GRM5: variants seen among roughly 807,000 people sequenced by gnomAD.
The protein encoded by GRM5 is metabotropic glutamate receptor 5.
GRM5 carries 19 observed loss-of-function variants against 83.1 expected under a neutral mutation model. The observed-to-expected ratio is 0.23, with a 90% CI of 0.16 to 0.34. GRM5 has a LOEUF of 0.34. Among genes scored for constraint, GRM5 ranks in the 10% least tolerant of loss-of-function variants. The probability of loss-of-function intolerance (pLI) is 1.00; values close to 1 mark genes in which losing one functional copy is unlikely to be tolerated. For synonymous variants in GRM5, 675 were observed against 633.6 expected, an observed-to-expected ratio of 1.07 and a Z score of -0.98; for missense variants, 1,160 against 1,588.3, an observed-to-expected ratio of 0.73 and a Z score of 4.58.
At chr11:88,698,581 G>C (rs1203554020) in intron 3 of GRM5, among the ~76,000 whole-genome samples, 1 of 152,092 alleles carries the variant, frequency 6.6e-6, no homozygotes, top group East Asian at 1.9e-4. Context: ...CAATAGCATG[G>C]GATCTTATTC....
intron 2 of GRM5, among the ~76,000 whole-genome samples, chr11:89,042,422 T>C (rs1215301425): frequency 2.6e-5 from 4 of 152,136 alleles, no homozygotes; most frequent in Non-Finnish European, 5.9e-5. Flanking sequence ...ACAAGCAAGG[T>C]AGAGTTATGT....
intron 2 of GRM5, among the ~76,000 whole-genome samples, chr11:88,993,417 T>G (rs1940062797): frequency 6.6e-6 from 1 of 152,184 alleles, no homozygotes. Context: ...ATATGTGTGT[T>G]TAACTCTGGG....
At chr11:88,571,045 A>T (rs904450383) in intron 7 of GRM5, among the ~76,000 whole-genome samples, 1 of 152,170 alleles carries the variant, frequency 6.6e-6, no homozygotes, top group African/African-American at 2.4e-5. Flanking sequence ...TTCATTACCT[A>T]AAAGAATGAG....
At chr11:88,554,570 A>G (rs959600954) in intron 8 of GRM5, among the ~76,000 whole-genome samples, 1 of 152,180 alleles carries the variant, frequency 6.6e-6, no homozygotes, top group African/African-American at 2.4e-5. Flanking sequence ...TTTTACAGCA[A>G]TTCTACATGA....
In GRM5 at chr11:88,563,974, T is replaced by G. The variant is rs570852223; in HGVS notation, c.2630+3079A>C. Among the ~76,000 whole-genome samples the G allele has an allele frequency of 2.0e-5, 3 of 152,238 alleles. No individual in the cohort carries two copies. The East Asian group carries it at 5.8e-4, about 29-fold the overall frequency. On this transcript the variant is annotated intron_variant, in intron 8 of 9. Coordinates refer to ENST00000305447, the MANE Select transcript of GRM5 (RefSeq NM_001143831.3). The stretch of plus-strand genomic sequence containing the variant: ...TCATGGAAGCCATAGAGGAAAGGAA[T>G]TTTAGTTTGCATCTCTTTCTAATGA...
At chr11:88,702,193 A>G (rs1044708977) in intron 3 of GRM5, among the ~76,000 whole-genome samples, 2 of 152,092 alleles carry the variant, frequency 1.3e-5, no homozygotes, top group Admixed American at 6.6e-5. Context: ...TATATCTACC[A>G]TATAGCCTGT....
rs549333731 is a variant in GRM5, at chr11:88,833,234, T to C, written c.911+16672A>G. 5.8e-4 allele frequency among the ~76,000 whole-genome samples: 88 copies of C among 152,038 alleles called. 1 individual carries two copies. In the South Asian group the frequency reaches 0.018, roughly 31 times the overall value. ...GTTTCATCTGACAAGAGAGTAATAT[T>C]TAGTATATACAAGGAACTTAACAGC... On this transcript the variant is annotated intron_variant, in intron 3 of 9. Transcript: ENST00000305447.
At chr11:88,576,866 C>T (rs574186420) in intron 7 of GRM5, among the ~76,000 whole-genome samples, 33 of 152,202 alleles carry the variant, frequency 2.2e-4, no homozygotes, top group African/African-American at 6.7e-4. Flanking sequence ...TTGGATTTTA[C>T]GATTCATTTC....
At chr11:88,976,219 TACTG>T (rs1388610500) in intron 2 of GRM5, among the ~76,000 whole-genome samples, 1 of 152,146 alleles carries the variant, frequency 6.6e-6, no homozygotes, top group Non-Finnish European at 1.5e-5. Context: ...TGTGTGCAGA[TACTG>T]ACTGATTAAA....
rs1352340946 is a variant in GRM5 at position 88,982,665 on chromosome 11, C to T, written c.661+64547G>A. ...ACACAATAAATCTTTAAAAGTATATCTTAAATTATAATTAAATTTTGTGAA... is the reference window on the plus strand; with the variant it reads ...ACACAATAAATCTTTAAAAGTATATTTTAAATTATAATTAAATTTTGTGAA... On this transcript the variant is annotated intron_variant, in intron 2 of 9. Transcript: ENST00000305447. Among the ~76,000 whole-genome samples, 4 of 152,090 alleles carry T rather than the reference C, an allele frequency of 2.6e-5. No homozygotes were observed. In the South Asian group the frequency reaches 6.2e-4, roughly 24 times the overall value.
At chr11:89,023,092 C>T (rs1008656463) in intron 2 of GRM5, among the ~76,000 whole-genome samples, 2 of 152,020 alleles carry the variant, frequency 1.3e-5, no homozygotes, top group African/African-American at 4.8e-5. Context: ...TACTGTATCA[C>T]TGCACCCTCC....
chr11:88,822,731 T>A (rs568483382), intron 3 of GRM5, among the ~76,000 whole-genome samples: 1 of 152,186 alleles, frequency 6.6e-6, no homozygotes, highest in African/African-American at 2.4e-5. Context: ...CTCGGTGACA[T>A]TGCTTGCCAA....
At chr11:88,740,035 A>ATGTT (rs1189530705) in intron 3 of GRM5, among the ~76,000 whole-genome samples, 2 of 152,078 alleles carry the variant, frequency 1.3e-5, no homozygotes, top group Non-Finnish European at 2.9e-5. Context: ...TTGTCTCATT[A>ATGTT]TGTTAGTGTT....
At chr11:88,799,823 T>C (rs1273650023) in intron 3 of GRM5, among the ~76,000 whole-genome samples, 1 of 152,154 alleles carries the variant, frequency 6.6e-6, no homozygotes, top group Non-Finnish European at 1.5e-5. Flanking sequence ...GCATTCATAG[T>C]TTAGAAAGTT....
rs766145476 is a variant in GRM5, at chr11:88,509,514, G to T, written c.2727-10C>A. The stretch of plus-strand genomic sequence containing the variant: ...GGATTTTCCATTGGAACTGAGGAGA[G>T]AAGGGAGAGGAAAGGTGACTCAGCG... On this transcript the variant is annotated splice_polypyrimidine_tract_variant and intron_variant, in intron 9 of 9. Transcript: ENST00000305447. The T allele has an allele frequency of 3.1e-6, 5 of 1,604,574 alleles. No homozygotes were observed. The highest frequency in any genetic ancestry group is 1.3e-5 in the African/African-American group (1 of 74,688).
intron 3 of GRM5, among the ~76,000 whole-genome samples, chr11:88,798,648 G>A (rs191054374): frequency 2.0e-5 from 3 of 152,014 alleles, no homozygotes; most frequent in African/African-American, 7.2e-5. Flanking sequence ...AAATATGTAT[G>A]TTTTTGGAAA....
intron 3 of GRM5, among the ~76,000 whole-genome samples, chr11:88,711,806 C>A (rs1035331911): frequency 2.5e-4 from 38 of 151,914 alleles, no homozygotes; most frequent in Admixed American, 5.9e-4. Context: ...AGTTTAGAGA[C>A]TTTTCCAAAA....
intron 3 of GRM5, among the ~76,000 whole-genome samples, chr11:88,679,566 A>C (rs1312183389): frequency 1.3e-5 from 2 of 152,094 alleles, no homozygotes; most frequent in Non-Finnish European, 2.9e-5. Flanking sequence ...GTCTATTTGG[A>C]TTTTATTGCC....
At chr11:88,896,260 G>A (rs316093) in intron 2 of GRM5, among the ~76,000 whole-genome samples, 146,248 of 151,914 alleles carry the variant, frequency 0.96, 70,445 homozygotes, top group East Asian at 0.99. Flanking sequence ...TAAGGCAATT[G>A]TCAGAGAAGC....
Sources: allele counts gnomAD v4.1 joint callset (sites outside exome capture counted in the v4.1 genomes callset), GRCh38; gene constraint gnomAD v4.1.1; transcripts MANE v1.5; gene names NCBI Gene and HGNC (gene_info 2026-07-23, HGNC 2026-07-21).